Variants in EIF4G3 observed in about 807,000 individuals in gnomAD.
EIF4G3 encodes the protein eIF-4-gamma 3.
Under a neutral mutation model 186.4 loss-of-function variants are expected in EIF4G3, and 34 were observed. The observed-to-expected ratio is 0.18, with a 90% CI of 0.14 to 0.24. The LOEUF is 0.24. Among genes scored for constraint, EIF4G3 ranks in the 10% least tolerant of loss-of-function variants. The pLI is 1.00. For synonymous variants in EIF4G3, 673 were observed against 679.5 expected (o/e 0.99, Z 0.15); for missense variants, 1,536 against 1,948.5 (o/e 0.79, Z 3.99).
chr1:20,997,916 T>C (rs2082637391), intron 6 of EIF4G3, among the ~76,000 whole-genome samples: 1 of 124,820 alleles, frequency 8.0e-6, no homozygotes, highest in Non-Finnish European at 1.8e-5. Context: ...ATAGGATTAT[T>C]TAAAAAAAAA....
chr1:21,000,141 C>A (rs199617859), intron 6 of EIF4G3, among the ~76,000 whole-genome samples: 67 of 138,840 alleles, frequency 4.8e-4, no homozygotes, highest in Non-Finnish European at 6.9e-4. Flanking sequence ...AAAAAAAAAA[C>A]AACTACTGCT....
intron 18 of EIF4G3, among the ~76,000 whole-genome samples, chr1:20,889,583 C>T (rs774004062): frequency 2.0e-5 from 3 of 151,916 alleles, no homozygotes; most frequent in South Asian, 2.1e-4. Context: ...TATAAGCTCC[C>T]GGGCTTACAC....
chr1:21,046,784 G>T (rs968494505), intron 4 of EIF4G3, among the ~76,000 whole-genome samples: 4 of 152,146 alleles, frequency 2.6e-5, no homozygotes, highest in Non-Finnish European at 4.4e-5. Context: ...CATCAGAAAA[G>T]ACATGGAAGA....
chr1:20,921,792 C>T (rs1456770333), intron 14 of EIF4G3, among the ~76,000 whole-genome samples: 2 of 152,224 alleles, frequency 1.3e-5, no homozygotes, highest in African/African-American at 4.8e-5. Flanking sequence ...AAAACGTGCA[C>T]CTGCTTCTGC....
intron 4 of EIF4G3, among the ~76,000 whole-genome samples, chr1:21,023,811 A>T (rs1324110705): frequency 1.9e-4 from 27 of 142,864 alleles, no homozygotes; most frequent in Admixed American, 7.5e-4. Flanking sequence ...CTAGGAAGTG[A>T]GGAGCGCCTC....
chr1:21,137,431 C>T (rs571326280), intron 2 of EIF4G3, among the ~76,000 whole-genome samples: 13 of 152,040 alleles, frequency 8.6e-5, no homozygotes, highest in Non-Finnish European at 1.6e-4. Context: ...TTAGACACTG[C>T]ACCTGGTCTC....
intron 10 of EIF4G3, among the ~76,000 whole-genome samples, chr1:20,975,022 G>T (rs903606651): frequency 6.6e-6 from 1 of 152,120 alleles, no homozygotes; most frequent in Non-Finnish European, 1.5e-5. Flanking sequence ...GTGTAAAGTT[G>T]TTGGAAGCAC....
intron 3 of EIF4G3, 103 bp downstream of exon 3, chr1:21,089,035 C>A: frequency 3.2e-6 from 2 of 633,680 alleles, no homozygotes; most frequent in East Asian, 2.8e-5. Flanking sequence ...AACTTTTTGC[C>A]AAAAATTTGT....
At position 21,053,270 on chromosome 1, in the gene EIF4G3, G is replaced by A. The variant is rs368381994; in HGVS notation, c.-195-2276C>T. ...TGAGGAGACCCTCTGCCTGGCAACC[G>A]CCCCGTCTGAGAAGTGAGGAGCCCC... On this transcript the variant is annotated intron_variant, in intron 3 of 36. Transcript: ENST00000602326. 3.3e-4 allele frequency among the ~76,000 whole-genome samples: 48 copies of A among 146,376 alleles called. No homozygotes were observed. The Middle Eastern group carries it at 0.012, about 37-fold the overall frequency.
intron 14 of EIF4G3, among the ~76,000 whole-genome samples, chr1:20,940,338 T>C (rs1331228667): frequency 6.6e-6 from 1 of 152,212 alleles, no homozygotes; most frequent in Non-Finnish European, 1.5e-5. Context: ...CCAATTGCCT[T>C]GCATTGTTTT....
At chr1:21,146,728 G>T (rs982207612) in intron 2 of EIF4G3, among the ~76,000 whole-genome samples, 1 of 152,002 alleles carries the variant, frequency 6.6e-6, no homozygotes, top group African/African-American at 2.4e-5. Context: ...TTGCACTCCC[G>T]CCTGGACAAC....
At chr1:20,868,721 T>A (rs944688589) in intron 20 of EIF4G3, among the ~76,000 whole-genome samples, 92 of 152,318 alleles carry the variant, frequency 6.0e-4, no homozygotes, top group African/African-American at 2.2e-3. Context: ...TGTGTTTAAA[T>A]GGGTTGTTCG....
intron 3 of EIF4G3, among the ~76,000 whole-genome samples, chr1:21,085,367 A>G (rs921093113): frequency 6.6e-6 from 1 of 152,138 alleles, no homozygotes; most frequent in African/African-American, 2.4e-5. Flanking sequence ...ACTAAGACCT[A>G]GAGAAAGGTT....
rs1249315327 is a variant in EIF4G3, at chr1:21,007,525, A to AAAAAAAAAAC, written c.-66-4718_-66-4717insGTTTTTTTTT. Among the ~76,000 whole-genome samples the AAAAAAAAAAC allele has an allele frequency of 2.1e-3, 299 of 139,582 alleles. 13 individuals carry two copies. The highest frequency in any genetic ancestry group is 3.8e-3 in the Non-Finnish European group (247 of 64,998). 91.6% of individuals were successfully genotyped at this position (139,582 alleles called of 152,430 possible). A position where few individuals can be genotyped will look rare whatever the true frequency, so the allele number is the denominator to read the frequency against. On this transcript the variant is annotated intron_variant, in intron 4 of 36. Transcript: ENST00000602326. ...CAATGGGCCCCTCCTTAAAAAAAAAAAAAAAAAAAAAACACACTCAAAAAC... is the reference window on the plus strand; with the variant it reads ...CAATGGGCCCCTCCTTAAAAAAAAAAAAAAAAAAACAAAAAAAAAAAACACACTCAAAAAC...
chr1:21,165,168 G>C (rs1041675805), intron 2 of EIF4G3, among the ~76,000 whole-genome samples: 1 of 152,118 alleles, frequency 6.6e-6, no homozygotes, highest in African/African-American at 2.4e-5. Context: ...TAATCAAAAA[G>C]ACAAATAATG....
At chr1:20,994,773 C>A (rs2081930577) in intron 7 of EIF4G3, among the ~76,000 whole-genome samples, 1 of 151,626 alleles carries the variant, frequency 6.6e-6, no homozygotes, top group Admixed American at 6.6e-5. Flanking sequence ...GGACTACAGG[C>A]ATGCACAACC....
At chr1:21,126,104 G>A (rs1039600407) in intron 2 of EIF4G3, among the ~76,000 whole-genome samples, 13 of 151,834 alleles carry the variant, frequency 8.6e-5, no homozygotes, top group African/African-American at 3.1e-4. Flanking sequence ...CTACACAGGA[G>A]GCTAAGGCAG....
intron 2 of EIF4G3, among the ~76,000 whole-genome samples, chr1:21,125,763 T>C (rs2097024318): frequency 8.1e-6 from 1 of 123,664 alleles, no homozygotes; most frequent in South Asian, 2.4e-4. Flanking sequence ...AATTTTTTTA[T>C]ATATATATAC....
rs1450240458 is a variant in EIF4G3, at chr1:20,860,379, C to A, written c.3244+6G>T. 4.3e-6 allele frequency: 7 copies of A among 1,613,956 alleles called. No individual in the cohort carries two copies. The highest frequency in any genetic ancestry group is 1.7e-5 in the Admixed American group (1 of 59,976). ...TTCTCTAAACCCTGGTGGATTCCGG[C>A]CTCACCTGGTCTTCTCTTCTCTTTG... On this transcript the variant is annotated splice_donor_region_variant and intron_variant, in intron 24 of 36. Transcript: ENST00000602326.
Sources: gnomAD v4.1 joint callset for allele counts (sites outside exome capture counted in the v4.1 genomes callset) on GRCh38, gnomAD v4.1.1 for gene constraint, MANE v1.5 for transcripts, NCBI Gene and HGNC (gene_info 2026-07-23, HGNC 2026-07-21) for gene names.